The following TRPV3 variants were observed in gnomAD, a reference collection of about 807,000 sequenced individuals.
TRPV3 encodes transient receptor potential cation channel subfamily V member 3, also known as VRL-3.
A neutral mutation model predicts 87.1 loss-of-function variants in TRPV3; 88 were observed. The observed-to-expected ratio is 1.01, with a 90% CI of 0.85 to 1.21. TRPV3 has a LOEUF of 1.21. Among genes scored for constraint, TRPV3 ranks in the 50% most tolerant of loss-of-function variants. The probability of loss-of-function intolerance (pLI) is 0.00; values close to 1 mark genes in which losing one functional copy is unlikely to be tolerated. For synonymous variants in TRPV3, 438 were observed against 423.3 expected (o/e 1.03, Z -0.43); for missense variants, 1,054 against 1,030.1 (o/e 1.02, Z -0.32).
intron 13 of TRPV3, among the ~76,000 whole-genome samples, chr17:3,521,998 C>T (rs1431538793): frequency 2.0e-5 from 3 of 152,160 alleles, no homozygotes; most frequent in Admixed American, 2.0e-4. Flanking sequence ...ATTGCTTGAA[C>T]CCAGGAGGAA....
chr17:3,511,135 C>CA lies in TRPV3; in HGVS notation c.*2781dup, dbSNP rs1240865578. On this transcript the variant is annotated 3_prime_UTR_variant, in exon 18 of 18. Transcript: ENST00000576742. ...GAGTTTTAGGATGTCCTGATAGACC[C>CA]ACGGGTTCAACGGGGTGTGTGTGGG... 6.6e-6 allele frequency: 1 copy of CA among 152,182 alleles called. No individual in the cohort carries two copies. The highest frequency in any genetic ancestry group is 1.5e-5 in the Non-Finnish European group (1 of 68,078). 9.4% of individuals were successfully genotyped at this position (152,182 alleles called of 1,614,324 possible).
At chr17:3,533,871 C>T (rs1238592617) in intron 7 of TRPV3, among the ~76,000 whole-genome samples, 4 of 152,088 alleles carry the variant, frequency 2.6e-5, no homozygotes, top group East Asian at 1.9e-4. Context: ...TGCTTATTAC[C>T]GATGGTCTCT....
chr17:3,518,440 C>T lies in TRPV3; in HGVS notation c.2085+136G>A. On this transcript the variant is annotated intron_variant, in intron 15 of 17. Transcript: ENST00000576742. The surrounding 1 kb of genome is among the most constrained non-coding windows in gnomAD (Gnocchi z 4.3). Reference sequence around the variant, plus strand: ...GAACCTAGGCTAAGGCCTCCTCAAACCTGGCCACACACTGAGGAGCTTGTG... The same window carrying T: ...GAACCTAGGCTAAGGCCTCCTCAAATCTGGCCACACACTGAGGAGCTTGTG... 1 of 1,062,316 alleles carries T rather than the reference C, an allele frequency of 9.4e-7. No individual in the cohort carries two copies. The highest frequency in any genetic ancestry group is 2.6e-5 in the East Asian group (1 of 38,362). The allele number at this position is 1,062,316 out of a possible 1,614,324, so 65.8% of individuals were successfully genotyped here.
intron 7 of TRPV3, 138 bp from the exon 8 acceptor site, chr17:3,533,075 T>C: frequency 9.9e-7 from 1 of 1,006,728 alleles, no homozygotes; most frequent in South Asian, 1.6e-5. Flanking sequence ...ATCTTCCGCT[T>C]CTACGGGGAA....
Position 3,511,747 on chromosome 17 carries a change from A to G in TRPV3, c.*2170T>C, listed in dbSNP as rs2074116536. 1 of 152,276 alleles carries G rather than the reference A, an allele frequency of 6.6e-6. No individual in the cohort carries two copies. Among genetic ancestry groups the G allele is most frequent in the African/African-American group, 2.4e-5 (1 of 41,468 alleles). The allele number at this position is 152,276 out of a possible 1,614,324, so 9.4% of individuals were successfully genotyped here. On this transcript the variant is annotated 3_prime_UTR_variant, in exon 18 of 18. Transcript: ENST00000576742. Reference sequence around the variant, plus strand: ...ACAAAAGCTGGCAGGTTAGGCAAATAGAAATCAATAATTGGCTTTATCCAT... The same window carrying G: ...ACAAAAGCTGGCAGGTTAGGCAAATGGAAATCAATAATTGGCTTTATCCAT...
rs747807327 is a variant in TRPV3 at position 3,513,926 on chromosome 17, G to A, written c.2364C>T (p.Thr788=). 5.0e-6 allele frequency: 8 copies of A among 1,613,950 alleles called. No individual in the cohort carries two copies. Among genetic ancestry groups the A allele is most frequent in the Admixed American group, 1.7e-5 (1 of 59,996 alleles). Reference sequence around the variant, plus strand: ...GCTCTGGGTTCCGCTTCTACACCGAGGTTTCCGGGAATTCCTCGACTTCTT... The same window carrying A: ...GCTCTGGGTTCCGCTTCTACACCGAAGTTTCCGGGAATTCCTCGACTTCTT... ...AFEEVEEFPE[T]SV Residue 788 remains threonine (T), a synonymous_variant, in exon 18 of 18, where the codon ACC becomes ACT. Transcript: ENST00000576742.
In TRPV3 at chr17:3,528,123, T is replaced by C. The variant is rs565045893; in HGVS notation, c.1405A>G (p.Ile469Val). 2.5e-6 allele frequency: 4 copies of C among 1,611,894 alleles called. No homozygotes were observed. The Admixed American group carries it at 6.7e-5, about 27-fold the overall frequency. The change falls in exon 11 of 18, where the codon ATC (isoleucine) becomes GTC (valine). Residue 469 changes from isoleucine (I) to valine (V), a missense_variant. By Grantham distance (29) the Ile-to-Val change is conservative (BLOSUM62 3). Coordinates refer to ENST00000576742, the MANE Select transcript of TRPV3 (RefSeq NM_145068.4). The surrounding 1 kb of genome is among the most constrained non-coding windows in gnomAD (Gnocchi z 4.2). The stretch of plus-strand genomic sequence containing the variant: ...TGCGTCAGGGCCAAGGGGTGCGGGA[T>C]GGCCTGCAGGGAAAGAAGAGGGGTG... ...SYYRPREEEAIPHPLALTHKM... is the reference protein window; with the variant it reads ...SYYRPREEEAVPHPLALTHKM...
At chr17:3,526,604 T>C (rs1271924420) in intron 12 of TRPV3, among the ~76,000 whole-genome samples, 1 of 152,056 alleles carries the variant, frequency 6.6e-6, no homozygotes, top group African/African-American at 2.4e-5. Context: ...CATCTCAGCC[T>C]CCCAGAGTGC....
In TRPV3 at chr17:3,532,653, C is replaced by T. The variant is rs747620753; in HGVS notation, c.1065+4G>A. The T allele has an allele frequency of 1.1e-5, 17 of 1,613,566 alleles. No homozygotes were observed. Among genetic ancestry groups the T allele is most frequent in the Non-Finnish European group, 1.0e-5 (12 of 1,179,846 alleles). ...TCCTGCCTCCCCACGCCCCATGGCC[C>T]CACCTCCGCCTTGCCCATCTTGGCG... On this transcript the variant is annotated splice_donor_region_variant and intron_variant, in intron 8 of 17. Coordinates refer to ENST00000576742, the MANE Select transcript of TRPV3 (RefSeq NM_145068.4).
At chr17:3,523,831 T>C (rs2074268713) in intron 13 of TRPV3, among the ~76,000 whole-genome samples, 1 of 152,026 alleles carries the variant, frequency 6.6e-6, no homozygotes, top group African/African-American at 2.4e-5. Flanking sequence ...ATACACATCG[T>C]TTATATAGTA....
In TRPV3 at chr17:3,519,410, A is replaced by T. The variant is rs55684359; in HGVS notation, c.1811-560T>A. Among the ~76,000 whole-genome samples the T allele has an allele frequency of 2.4e-3, 335 of 138,160 alleles. 6 individuals are homozygous for T. The highest frequency in any genetic ancestry group is 9.5e-3 in the African/African-American group (315 of 33,056). The allele number at this position is 138,160 out of a possible 152,430, so 90.6% of individuals were successfully genotyped here. A position where few individuals can be genotyped will look rare whatever the true frequency, so the allele number is the denominator to read the frequency against. ...ATTAGATGGAGGGATGGATGGATGG[A>T]TGGATGGATGATTGGATGGATGGAT... On this transcript the variant is annotated intron_variant, in intron 14 of 17. Transcript: ENST00000576742.
Position 3,544,678 on chromosome 17 carries a change from G to T in TRPV3, c.225-13C>A, listed in dbSNP as rs1368807581. 1 of 1,598,376 alleles carries T rather than the reference G, an allele frequency of 6.3e-7. No homozygotes were observed. Among genetic ancestry groups the T allele is most frequent in the Non-Finnish European group, 8.5e-7 (1 of 1,170,654 alleles). On this transcript the variant is annotated splice_polypyrimidine_tract_variant and intron_variant, in intron 3 of 17. Transcript: ENST00000576742. ...GTTACCAGAGATGCTGGAGGTGTTG[G>T]CAGGGGGAACAGAGAGGGTTTTAAA...
intron 2 of TRPV3, among the ~76,000 whole-genome samples, chr17:3,546,410 C>G (rs371012050): frequency 2.5e-4 from 37 of 150,284 alleles, no homozygotes; most frequent in Admixed American, 1.6e-3. Context: ...CCACTGCACT[C>G]CAGTCTGGGC....
intron 4 of TRPV3, 24 bp from the exon 5 acceptor site, chr17:3,543,652 C>T (rs777885038): frequency 1.2e-6 from 2 of 1,613,076 alleles, no homozygotes; most frequent in Non-Finnish European, 1.7e-6. Context: ...ATGTTTCCAA[C>T]TCAACACACA....
At chr17:3,519,082 C>T (rs1386187643) in intron 14 of TRPV3, among the ~76,000 whole-genome samples, 1 of 152,188 alleles carries the variant, frequency 6.6e-6, no homozygotes. Flanking sequence ...CTTCCTTTAC[C>T]CCGCAGTCTG....
At chr17:3,523,623 CAGG>C (rs1163720498) in intron 13 of TRPV3, among the ~76,000 whole-genome samples, 1 of 150,062 alleles carries the variant, frequency 6.7e-6, no homozygotes, top group Non-Finnish European at 1.5e-5. Context: ...GAGGCTGAGG[CAGG>C]AGAACTGCTT....
chr17:3,557,393 G>A lies in TRPV3; in HGVS notation c.-3+283C>T, dbSNP rs1044326607. On this transcript the variant is annotated intron_variant, in intron 1 of 17. Transcript: ENST00000576742. This position sits in a 1 kb window ranked among gnomAD's most constrained non-coding sequence, Gnocchi z 4.5. ...AGCCTCTCCTCTGCCCCCAGCAGTG[G>A]TGAGATTGAGATGTCCCTCCCCAGG... Among the ~76,000 whole-genome samples, 1 of 152,186 alleles carries A rather than the reference G, an allele frequency of 6.6e-6. No individual in the cohort carries two copies. The highest frequency in any genetic ancestry group is 6.5e-5 in the Admixed American group (1 of 15,286).
At chr17:3,552,092 G>A (rs2074581206) in intron 2 of TRPV3, 1 of 151,254 alleles carries the variant, frequency 6.6e-6, no homozygotes, top group Admixed American at 6.6e-5. Flanking sequence ...TCACCATGTT[G>A]GCCAGGCTAC....
chr17:3,539,876 C>T (rs991445819), intron 6 of TRPV3, among the ~76,000 whole-genome samples: 6 of 152,026 alleles, frequency 3.9e-5, no homozygotes, highest in African/African-American at 1.4e-4. Context: ...ATTGGTTCCT[C>T]TTAGCAGCAT....
Sources: allele counts gnomAD v4.1 joint callset (sites outside exome capture counted in the v4.1 genomes callset), GRCh38; gene constraint gnomAD v4.1.1; non-coding constraint Gnocchi (gnomAD v3.1); transcripts MANE v1.5; gene names NCBI Gene and HGNC (gene_info 2026-07-23, HGNC 2026-07-21).